The following KIF14 variants were observed in gnomAD, a reference collection of about 807,000 sequenced individuals.
KIF14 encodes kinesin-like protein KIF14.
A neutral mutation model predicts 176.2 loss-of-function variants in KIF14; 98 were observed. The observed-to-expected ratio is 0.56, with a 90% CI of 0.47 to 0.66. The LOEUF is 0.66. Among genes scored for constraint, KIF14 ranks in the 30% least tolerant of loss-of-function variants. KIF14 has a pLI of 0.00. For missense variants in KIF14, 1,751 were observed against 1,920.4 expected (o/e 0.91, Z 1.65); for synonymous variants, 566 against 632.2 (o/e 0.90, Z 1.57).
chr1:200,586,363 T>G, intron 18 of KIF14, 136 bp from the exon 19 acceptor site: 1 of 604,940 alleles, frequency 1.7e-6, no homozygotes, highest in Non-Finnish European at 2.7e-6. Flanking sequence ...CCCCATAACA[T>G]TGTATAACTT....
chr1:200,591,444 G>C (rs937088069), intron 16 of KIF14, among the ~76,000 whole-genome samples: 3 of 152,182 alleles, frequency 2.0e-5, no homozygotes, highest in Non-Finnish European at 4.4e-5. Context: ...CTGATTATGA[G>C]TGTCTCACGT....
intron 4 of KIF14, among the ~76,000 whole-genome samples, chr1:200,611,076 A>G (rs1440656412): frequency 6.6e-6 from 1 of 152,218 alleles, no homozygotes; most frequent in Non-Finnish European, 1.5e-5. Context: ...ACTCTGAAAG[A>G]TACAGTGTAG....
chr1:200,603,838 C>T lies in KIF14; in HGVS notation c.1863+1G>A. On this transcript the variant is annotated splice_donor_variant, in intron 9 of 29. Transcript: ENST00000367350. LOFTEE classifies it high-confidence loss of function. ...AAAAGGAGAAAAAGCATTCCATTTA[C>T]CTTTAGTCGATCTCCATTAGTGTGA... 1 of 1,562,416 alleles carries T rather than the reference C, an allele frequency of 6.4e-7. No individual in the cohort carries two copies. The highest frequency in any genetic ancestry group is 8.8e-7 in the Non-Finnish European group (1 of 1,133,412).
intron 2 of KIF14, among the ~76,000 whole-genome samples, chr1:200,616,021 A>G (rs1374468433): frequency 6.6e-6 from 1 of 152,202 alleles, no homozygotes; most frequent in Admixed American, 6.5e-5. Context: ...TAATTTTAAC[A>G]AACTCAGTTG....
chr1:200,619,840 G>C (rs1660599836), intron 1 of KIF14, among the ~76,000 whole-genome samples: 1 of 152,174 alleles, frequency 6.6e-6, no homozygotes. Context: ...ATTAGACAGA[G>C]GTGTATGTAA....
chr1:200,559,489 G>A, intron 26 of KIF14, 37 bp from the exon 27 acceptor site: 1 of 1,302,956 alleles, frequency 7.7e-7, no homozygotes, highest in Non-Finnish European at 1.0e-6. Context: ...AGAAAATTTA[G>A]GTTTTATGTA....
chr1:200,592,393 T>A (rs907513571), intron 15 of KIF14, among the ~76,000 whole-genome samples, 153 bp from the exon 16 acceptor site: 1 of 152,210 alleles, frequency 6.6e-6, no homozygotes, highest in Non-Finnish European at 1.5e-5. Context: ...TTTTTTCTTT[T>A]GGCACAGAGT....
rs531490573 is a variant in KIF14, at chr1:200,572,413, T to C, written c.3567-2408A>G. Among the ~76,000 whole-genome samples, 209 of 152,276 alleles carry C rather than the reference T, an allele frequency of 1.4e-3. 4 individuals carry two copies. In the East Asian group the frequency reaches 0.03, roughly 22 times the overall value. On this transcript the variant is annotated intron_variant, in intron 22 of 29. Transcript: ENST00000367350. ...AGGCTGGAGTGCAGTGGCGCGATCT[T>C]GGCTCACTGCAAGCTCTGCCTCCTG...
At chr1:200,566,501 G>A (rs1571469445) in intron 23 of KIF14, among the ~76,000 whole-genome samples, 1 of 151,598 alleles carries the variant, frequency 6.6e-6, no homozygotes, top group Non-Finnish European at 1.5e-5. Context: ...GCTGAGGCAG[G>A]AGAATTGCTT....
At position 200,577,554 on chromosome 1, in the gene KIF14, T is replaced by C. The variant is rs1362548888; in HGVS notation, c.3466-1863A>G. ...GCTCACGCCTGTAATCCCAGCACTTTGGGAGGCCGAGGCGAGTGGATCACA... is the reference window on the plus strand; with the variant it reads ...GCTCACGCCTGTAATCCCAGCACTTCGGGAGGCCGAGGCGAGTGGATCACA... On this transcript the variant is annotated intron_variant, in intron 21 of 29. Coordinates refer to ENST00000367350, the MANE Select transcript of KIF14 (RefSeq NM_014875.3). Among the ~76,000 whole-genome samples, 2 of 151,574 alleles carry C rather than the reference T, an allele frequency of 1.3e-5. 1 individual carries two copies. Among genetic ancestry groups the C allele is most frequent in the Non-Finnish European group, 2.9e-5 (2 of 67,866 alleles).
chr1:200,561,359 T>G (rs1316304582), intron 25 of KIF14, among the ~76,000 whole-genome samples: 1 of 151,366 alleles, frequency 6.6e-6, no homozygotes, highest in Non-Finnish European at 1.5e-5. Context: ...GTCAATATGG[T>G]GAAACCCCAT....
At chr1:200,555,558 C>T (rs1367645789) in intron 27 of KIF14, 104 bp from the exon 28 acceptor site, 2 of 525,754 alleles carry the variant, frequency 3.8e-6, no homozygotes, top group Non-Finnish European at 6.4e-6. Flanking sequence ...GTCTAGAAGC[C>T]CAAAGATTGG....
At chr1:200,604,394 A>G (rs1659774220) in intron 8 of KIF14, among the ~76,000 whole-genome samples, 1 of 152,216 alleles carries the variant, frequency 6.6e-6, no homozygotes, top group Non-Finnish European at 1.5e-5. Flanking sequence ...TGAATCTGTG[A>G]TAATTTATAA....
At chr1:200,559,785 G>A (rs1211992784) in intron 26 of KIF14, among the ~76,000 whole-genome samples, 4 of 146,360 alleles carry the variant, frequency 2.7e-5, no homozygotes, top group Admixed American at 6.9e-5. Context: ...ATGGAGTTTC[G>A]CTCATGTTGC....
chr1:200,589,796 C>T (rs902120571), intron 17 of KIF14, among the ~76,000 whole-genome samples: 1 of 148,272 alleles, frequency 6.7e-6, no homozygotes, highest in Non-Finnish European at 1.5e-5. Flanking sequence ...GGACTACAGG[C>T]GCATGCTACC....
Position 200,618,282 on chromosome 1 carries a change from C to T in KIF14, c.442G>A (p.Gly148Arg). The change falls in exon 2 of 30, where the codon GGA becomes AGA. Residue 148 changes from glycine to arginine, a missense_variant. Physicochemically the swap from Gly to Arg is moderately radical, Grantham distance 125. Transcript: ENST00000367350. Reference sequence around the variant, plus strand: ...ACACCATTATTTTCTGTTTCACCTCCCACATTCAGTGTCATTTTGACAGAA... The same window carrying T: ...ACACCATTATTTTCTGTTTCACCTCTCACATTCAGTGTCATTTTGACAGAA... Reference protein sequence around the residue: ...IDSVKMTLNVGGETENNGVSK... With the variant: ...IDSVKMTLNVRGETENNGVSK... 6.2e-7 allele frequency: 1 copy of T among 1,613,738 alleles called. No individual in the cohort carries two copies. Among genetic ancestry groups the T allele is most frequent in the East Asian group, 2.2e-5 (1 of 44,876 alleles).
At chr1:200,560,923 A>G (rs1273116032) in intron 25 of KIF14, 43 bp from the exon 26 acceptor site, 1 of 1,564,556 alleles carries the variant, frequency 6.4e-7, no homozygotes, top group Non-Finnish European at 8.8e-7. Context: ...ACATGAGATT[A>G]TAACAGGTGG....
intron 16 of KIF14, among the ~76,000 whole-genome samples, chr1:200,591,060 C>G (rs950916552): frequency 1.3e-5 from 2 of 151,446 alleles, no homozygotes; most frequent in African/African-American, 4.9e-5. Context: ...AAAAAAAAAC[C>G]ACAAAACAAT....
chr1:200,583,714 G>A (rs1278380068), intron 19 of KIF14, among the ~76,000 whole-genome samples: 1 of 152,116 alleles, frequency 6.6e-6, no homozygotes, highest in African/African-American at 2.4e-5. Flanking sequence ...AGCCGAGGCA[G>A]GCAGATCACC....
Sources: gnomAD v4.1 joint callset for allele counts (sites outside exome capture counted in the v4.1 genomes callset) on GRCh38, gnomAD v4.1.1 for gene constraint, MANE v1.5 for transcripts, NCBI Gene and HGNC (gene_info 2026-07-23, HGNC 2026-07-21) for gene names.